The following XPR1 variants were observed in gnomAD, a reference collection of about 807,000 sequenced individuals.
The protein encoded by XPR1 is solute carrier family 53 member 1.
XPR1 carries 28 observed loss-of-function variants against 87.5 expected under a neutral mutation model. The observed-to-expected ratio is 0.32, with a 90% confidence interval of 0.24 to 0.44. XPR1 has a LOEUF of 0.44. Among genes scored for constraint, XPR1 ranks in the 20% least tolerant of loss-of-function variants. The probability of loss-of-function intolerance (pLI) is 1.00; values close to 1 mark genes in which losing one functional copy is unlikely to be tolerated. For missense variants in XPR1, 559 were observed against 862.3 expected (o/e 0.65, Z 4.41); for synonymous variants, 300 against 306.1 (o/e 0.98, Z 0.21).
chr1:180,682,070 T>A (rs1407828157), intron 1 of XPR1, among the ~76,000 whole-genome samples: 1 of 152,230 alleles, frequency 6.6e-6, no homozygotes, highest in East Asian at 1.9e-4. Context: ...TTCAGTGTTT[T>A]TTCTTAGTCA....
chr1:180,811,258 A>T (rs1650201933), intron 6 of XPR1, 149 bp from the exon 7 acceptor site: 1 of 667,522 alleles, frequency 1.5e-6, no homozygotes, highest in Admixed American at 3.1e-5. Context: ...ATGAAGGTTG[A>T]TTCTCTGGTT....
At chr1:180,793,798 A>G (rs1365238879) in intron 3 of XPR1, among the ~76,000 whole-genome samples, 1 of 152,146 alleles carries the variant, frequency 6.6e-6, no homozygotes, top group Non-Finnish European at 1.5e-5. Flanking sequence ...AGTGTTTTAT[A>G]AGCATCTATT....
intron 2 of XPR1, among the ~76,000 whole-genome samples, chr1:180,747,712 T>A (rs994473714): frequency 6.6e-6 from 1 of 152,224 alleles, no homozygotes; most frequent in South Asian, 2.1e-4. Flanking sequence ...AGCACAGATA[T>A]CTGTACAGAG....
intron 1 of XPR1, among the ~76,000 whole-genome samples, chr1:180,632,631 TC>T (rs1654627226): frequency 6.6e-6 from 1 of 152,170 alleles, no homozygotes. Context: ...AATCCCCTTC[TC>T]CCCACTCGCC....
chr1:180,779,697 A>AGAGGGG (rs1438520583), intron 2 of XPR1, among the ~76,000 whole-genome samples: 1 of 151,686 alleles, frequency 6.6e-6, no homozygotes, highest in Non-Finnish European at 1.5e-5. Context: ...AGGAAAGAAA[A>AGAGGGG]GAGGGGGAGG....
intron 7 of XPR1, among the ~76,000 whole-genome samples, chr1:180,812,216 T>C (rs1650243157): frequency 6.6e-6 from 1 of 152,208 alleles, no homozygotes; most frequent in South Asian, 2.1e-4. Context: ...TTGCTAGCTA[T>C]ACTTTTCTTT....
At chr1:180,837,929 G>T (rs1373876425) in intron 11 of XPR1, among the ~76,000 whole-genome samples, 1 of 152,054 alleles carries the variant, frequency 6.6e-6, no homozygotes, top group Non-Finnish European at 1.5e-5. Context: ...TTCCATCCCA[G>T]GTAAAAATGA....
chr1:180,678,850 G>A (rs1656458167), intron 1 of XPR1, among the ~76,000 whole-genome samples: 2 of 152,094 alleles, frequency 1.3e-5, no homozygotes, highest in African/African-American at 2.4e-5. Flanking sequence ...TAAAAGAGTG[G>A]GTTACCCTGG....
At chr1:180,828,030 A>G (rs1410224375) in intron 9 of XPR1, among the ~76,000 whole-genome samples, 1 of 151,862 alleles carries the variant, frequency 6.6e-6, no homozygotes, top group East Asian at 1.9e-4. Flanking sequence ...GTGTGTGCCA[A>G]CGTGCCTGGC....
chr1:180,821,991 C>T (rs1650648210), intron 7 of XPR1, among the ~76,000 whole-genome samples: 2 of 152,094 alleles, frequency 1.3e-5, no homozygotes, highest in South Asian at 4.1e-4. Context: ...GTGGTCTTTG[C>T]TTAGGAATCA....
At chr1:180,855,342 A>C (rs1651992454) in intron 11 of XPR1, among the ~76,000 whole-genome samples, 1 of 152,124 alleles carries the variant, frequency 6.6e-6, no homozygotes. Context: ...CATATTATTA[A>C]ATTTTTTATC....
chr1:180,845,700 T>C (rs1349716116), intron 11 of XPR1, among the ~76,000 whole-genome samples: 1 of 152,170 alleles, frequency 6.6e-6, no homozygotes, highest in Non-Finnish European at 1.5e-5. Context: ...TTTATTATTG[T>C]TTTTAGATAC....
At chr1:180,751,085 T>C (rs1275354179) in intron 2 of XPR1, among the ~76,000 whole-genome samples, 2 of 152,050 alleles carry the variant, frequency 1.3e-5, no homozygotes, top group Admixed American at 6.5e-5. Flanking sequence ...AGAAATACAG[T>C]TGAGTTTTGG....
rs1371428072 is a variant in XPR1 at position 180,887,590 on chromosome 1, T to C, written c.*3524T>C. The stretch of plus-strand genomic sequence containing the variant: ...AGATTGGAAAGTAGTCAAAAACCCA[T>C]GTGCAACTTTTTTTCAGCACTCTAC... On this transcript the variant is annotated 3_prime_UTR_variant, in exon 15 of 15. Transcript: ENST00000367590. The C allele has an allele frequency of 2.0e-5, 3 of 152,232 alleles. No individual in the cohort carries two copies. Among genetic ancestry groups the C allele is most frequent in the Non-Finnish European group, 4.4e-5 (3 of 68,038 alleles). The allele number at this position is 152,232 out of a possible 1,614,324, so 9.4% of individuals were successfully genotyped here.
Position 180,873,900 on chromosome 1 carries a change from G to C in XPR1, c.1766G>C (p.Gly589Ala). The C allele has an allele frequency of 4.3e-6, 7 of 1,614,006 alleles. No homozygotes were observed. Among genetic ancestry groups the C allele is most frequent in the Non-Finnish European group, 5.9e-6 (7 of 1,179,986 alleles). The change falls in exon 13 of 15, where the codon GGG becomes GCG. Residue 589 changes from glycine to alanine, a missense_variant. Transcript: ENST00000367590. ...TCTACAACTTTGTTGCCTCATTCTG[G>C]GGACATCATTGCTACTGTCTTTGCC... ...ITSTTLLPHS[G>A]DIIATVFAPL...
intron 2 of XPR1, among the ~76,000 whole-genome samples, chr1:180,703,713 A>G (rs1657444028): frequency 6.6e-6 from 1 of 151,792 alleles, no homozygotes; most frequent in Non-Finnish European, 1.5e-5. Flanking sequence ...TTCATCATAC[A>G]ATATATTGTG....
At chr1:180,814,022 G>A (rs1458898112) in intron 7 of XPR1, among the ~76,000 whole-genome samples, 1 of 152,110 alleles carries the variant, frequency 6.6e-6, no homozygotes, top group African/African-American at 2.4e-5. Context: ...TGATTGCAGG[G>A]ACTATGTATT....
intron 1 of XPR1, among the ~76,000 whole-genome samples, chr1:180,660,392 T>A (rs1008221767): frequency 6.6e-6 from 1 of 152,104 alleles, no homozygotes; most frequent in African/African-American, 2.4e-5. Flanking sequence ...TCTGGTAACT[T>A]TGGGTTTGGT....
At chr1:180,759,495 A>G (rs1418577499) in intron 2 of XPR1, among the ~76,000 whole-genome samples, 1 of 152,246 alleles carries the variant, frequency 6.6e-6, no homozygotes, top group Non-Finnish European at 1.5e-5. Flanking sequence ...ACCTCTACGC[A>G]CATAAACTAG....
Sources: gnomAD v4.1 joint callset for allele counts (sites outside exome capture counted in the v4.1 genomes callset) on GRCh38, gnomAD v4.1.1 for gene constraint, MANE v1.5 for transcripts, NCBI Gene and HGNC (gene_info 2026-07-23, HGNC 2026-07-21) for gene names.